Variants in DNAH9 observed in about 807,000 individuals in gnomAD.
DNAH9 encodes the protein DNAH9 variant protein.
In DNAH9, 345 loss-of-function variants were observed where a neutral mutation model predicts 471.6. The observed-to-expected ratio is 0.73, with a 90% CI of 0.67 to 0.80. The LOEUF (loss-of-function observed/expected upper bound fraction) is 0.80, where lower values mean the gene tolerates loss of function less well. DNAH9 is among the 30% of genes least tolerant of loss of function. The probability of loss-of-function intolerance (pLI) is 0.00; values close to 1 mark genes in which losing one functional copy is unlikely to be tolerated. For missense variants in DNAH9, 5,407 were observed against 5,609.2 expected (o/e 0.96, Z 1.15); for synonymous variants, 2,093 against 2,123.6 (o/e 0.99, Z 0.40).
chr17:11,854,482 G>C (rs1025238993), intron 50 of DNAH9, 54 bp downstream of exon 50: 5 of 1,540,410 alleles, frequency 3.2e-6, no homozygotes, highest in Non-Finnish European at 4.4e-6. Flanking sequence ...TACAAACAAC[G>C]CTCTTCAGAC....
At chr17:11,727,793 T>G in intron 27 of DNAH9, 25 bp from the exon 28 acceptor site, 1 of 1,544,614 alleles carries the variant, frequency 6.5e-7, no homozygotes, top group Non-Finnish European at 9.0e-7. Context: ...CGTTGGTAAT[T>G]TAATCTTTGT....
At chr17:11,746,491 C>T (rs1019114553) in intron 31 of DNAH9, among the ~76,000 whole-genome samples, 1 of 152,158 alleles carries the variant, frequency 6.6e-6, no homozygotes. Flanking sequence ...CTGCATGCTA[C>T]ACCTCCTCCC....
chr17:11,913,010 A>C (rs1973837510), intron 61 of DNAH9, among the ~76,000 whole-genome samples: 1 of 152,122 alleles, frequency 6.6e-6, no homozygotes, highest in African/African-American at 2.4e-5. Context: ...TCTACTAAAA[A>C]CACAAAAACT....
At chr17:11,924,045 T>TA in intron 62 of DNAH9, 104 bp downstream of exon 62, 1 of 1,471,786 alleles carries the variant, frequency 6.8e-7, no homozygotes, top group South Asian at 1.3e-5. Flanking sequence ...ATCTGTCCTT[T>TA]CACACTCTTG....
chr17:11,712,150 ATAT>A lies in DNAH9; in HGVS notation c.5552+6973_5552+6975del, dbSNP rs547738004. Among the ~76,000 whole-genome samples the A allele has an allele frequency of 6.8e-3, 834 of 123,528 alleles. 42 individuals are homozygous for A. Among genetic ancestry groups the A allele is most frequent in the Admixed American group, 0.02 (217 of 10,704 alleles). The allele number at this position is 123,528 out of a possible 152,430, so 81.0% of individuals were successfully genotyped here. On this transcript the variant is annotated intron_variant, in intron 26 of 68. Coordinates refer to ENST00000262442, the MANE Select transcript of DNAH9 (RefSeq NM_001372.4). ...AATTTTAATTTATATAAATTTATTA[ATAT>A]TATTATTCAATAATAAATATATTAA...
chr17:11,689,524 C>T, intron 19 of DNAH9, 42 bp from the exon 20 acceptor site: 1 of 1,548,014 alleles, frequency 6.5e-7, no homozygotes, highest in Non-Finnish European at 8.7e-7. Flanking sequence ...GAGATGGGCC[C>T]CTGCGTGCCA....
chr17:11,722,639 C>T (rs755128502), intron 27 of DNAH9, among the ~76,000 whole-genome samples: 4 of 152,044 alleles, frequency 2.6e-5, no homozygotes, highest in Non-Finnish European at 5.9e-5. Flanking sequence ...TCCTATAAGC[C>T]GCATCACCTC....
chr17:11,934,409 T>G, intron 65 of DNAH9, among the ~76,000 whole-genome samples: 1 of 151,608 alleles, frequency 6.6e-6, no homozygotes, highest in Non-Finnish European at 1.5e-5. Flanking sequence ...TATTTGGTTG[T>G]TTTCACTTGG....
At chr17:11,914,999 A>G (rs894745633) in intron 61 of DNAH9, among the ~76,000 whole-genome samples, 5 of 152,164 alleles carry the variant, frequency 3.3e-5, no homozygotes, top group African/African-American at 1.2e-4. Context: ...CACCCACACC[A>G]CATTTAGTTC....
chr17:11,735,209 C>T lies in DNAH9; in HGVS notation c.5815-3671C>T, dbSNP rs561286316. On this transcript the variant is annotated intron_variant, in intron 28 of 68. Transcript: ENST00000262442. ...AGCACTATTGATGCTTTGGGCTGATCATTCTGTTTTGTGAAGATCTATCCT... is the reference window on the plus strand; with the variant it reads ...AGCACTATTGATGCTTTGGGCTGATTATTCTGTTTTGTGAAGATCTATCCT... Among the ~76,000 whole-genome samples the T allele has an allele frequency of 3.3e-5, 5 of 152,210 alleles. No individual in the cohort carries two copies. In the South Asian group the frequency reaches 1.0e-3, roughly 32 times the overall value.
At chr17:11,762,770 G>GTTTTGTTTTTTTTTTTTTTTTTTTTTT (rs1967747335) in intron 35 of DNAH9, among the ~76,000 whole-genome samples, 2 of 90,794 alleles carry the variant, frequency 2.2e-5, no homozygotes, top group African/African-American at 4.1e-5. Context: ...TTTTTTTTTT[G>GTTTTGTTTTTTTTTTTTTTTTTTTTTT]TTTTTTTTTT....
intron 61 of DNAH9, among the ~76,000 whole-genome samples, chr17:11,920,631 A>AAAAG (rs34394837): frequency 0.14 from 21,148 of 148,230 alleles, 1,590 homozygotes; most frequent in Middle Eastern, 0.19. Context: ...AAAAAAAAAA[A>AAAAG]AAAAGAAAAG....
At chr17:11,885,649 CATA>C (rs1048188443) in intron 56 of DNAH9, among the ~76,000 whole-genome samples, 16 of 152,246 alleles carry the variant, frequency 1.1e-4, no homozygotes, top group African/African-American at 3.9e-4. Context: ...TGTTCTTTTT[CATA>C]ATGTCCATAT....
intron 32 of DNAH9, 70 bp from the exon 33 acceptor site, chr17:11,752,763 G>A (rs1877279978): frequency 7.4e-7 from 1 of 1,355,220 alleles, no homozygotes; most frequent in East Asian, 2.5e-5. Flanking sequence ...AGCTAAAGGG[G>A]GAAAGCTGTG....
intron 26 of DNAH9, among the ~76,000 whole-genome samples, chr17:11,717,541 T>C (rs368562244): frequency 5.4e-4 from 82 of 152,242 alleles, no homozygotes; most frequent in African/African-American, 1.8e-3. Flanking sequence ...GGACACCCCC[T>C]CACATGGCCC....
intron 48 of DNAH9, among the ~76,000 whole-genome samples, chr17:11,832,266 C>A (rs1283709024): frequency 6.6e-6 from 1 of 152,142 alleles, no homozygotes; most frequent in Non-Finnish European, 1.5e-5. Flanking sequence ...CTCCTATTCA[C>A]AGTGCTGGTG....
At chr17:11,605,674 A>ATTTTTTTTTTTTTTTTTT (rs59748847) in intron 1 of DNAH9, among the ~76,000 whole-genome samples, 2 of 145,008 alleles carry the variant, frequency 1.4e-5, no homozygotes, top group African/African-American at 5.2e-5. Flanking sequence ...CAATTTTTCT[A>ATTTTTTTTTTTTTTTTTT]TTTTTTTTTT....
intron 13 of DNAH9, among the ~76,000 whole-genome samples, chr17:11,652,050 C>T (rs1479560054): frequency 6.6e-6 from 1 of 151,752 alleles, no homozygotes; most frequent in Non-Finnish European, 1.5e-5. Context: ...CCATATTAAA[C>T]AAGTTAGAAC....
chr17:11,702,008 T>C (rs1247079373), intron 24 of DNAH9, among the ~76,000 whole-genome samples: 1 of 152,074 alleles, frequency 6.6e-6, no homozygotes, highest in East Asian at 1.9e-4. Flanking sequence ...TAGGGGAGGC[T>C]CAGGGTACTC....
Sources: allele counts gnomAD v4.1 joint callset (sites outside exome capture counted in the v4.1 genomes callset), GRCh38; gene constraint gnomAD v4.1.1; transcripts MANE v1.5; gene names NCBI Gene and HGNC (gene_info 2026-07-23, HGNC 2026-07-21).